The following NR2F1-AS1 variants were observed in gnomAD, a reference collection of about 807,000 sequenced individuals.
NR2F1-AS1 encodes NR2F1 regulatory antisense RNA 1, also known as NR2F1 antisense RNA 1.
In NR2F1-AS1 at chr5:93,441,189, G is replaced by A. The variant is rs1353709752; in HGVS notation, n.639-45647C>T. Among the ~76,000 whole-genome samples, 5 of 152,154 alleles carry A rather than the reference G, an allele frequency of 3.3e-5. No homozygotes were observed. In the East Asian group the frequency reaches 9.6e-4, roughly 29 times the overall value. On this transcript the variant is annotated intron_variant and non_coding_transcript_variant, in intron 4 of 5. Coordinates refer to ENST00000660523, the Ensembl canonical transcript of NR2F1-AS1. The stretch of plus-strand genomic sequence containing the variant: ...GTTTCCAGGCCAGAAGAACGAAGAT[G>A]GTGAAGATAGGATGACAGCTAAACT...
intron 4 of NR2F1-AS1, among the ~76,000 whole-genome samples, chr5:93,546,391 AAAGAG>A (rs1448678290): frequency 3.3e-5 from 5 of 152,218 alleles, no homozygotes; most frequent in Admixed American, 2.0e-4. Context: ...TAAATTATTT[AAAGAG>A]AAGGTTGACT....
rs114722789 is a variant in NR2F1-AS1, at chr5:93,573,778, C to G, written n.313+6689G>C. Among the ~76,000 whole-genome samples, 153 of 152,304 alleles carry G rather than the reference C, an allele frequency of 1.0e-3. 5 individuals are homozygous for G. The South Asian group carries it at 0.03, about 30-fold the overall frequency. On this transcript the variant is annotated intron_variant and non_coding_transcript_variant, in intron 1 of 5. Coordinates refer to ENST00000660523, the Ensembl canonical transcript of NR2F1-AS1. ...AGAGCATCCCGTCCTCGCCTCCTGT[C>G]CAAACCTTCCTCTTCCTGAAAGACA... is the stretch of plus-strand genomic sequence containing the variant.
intron 4 of NR2F1-AS1, among the ~76,000 whole-genome samples, chr5:93,484,411 T>G (rs1392904221): frequency 6.6e-6 from 1 of 152,216 alleles, no homozygotes; most frequent in African/African-American, 2.4e-5. Flanking sequence ...TGAGAGATTT[T>G]GTCACCACCA....
At chr5:93,580,044 G>A (rs1346425773) in intron 1 of NR2F1-AS1, among the ~76,000 whole-genome samples, 1 of 152,234 alleles carries the variant, frequency 6.6e-6, no homozygotes, top group East Asian at 1.9e-4. Flanking sequence ...GGGCCAGCCG[G>A]GCCGGACTCT....
chr5:93,490,423 G>T (rs1164138699), intron 4 of NR2F1-AS1, among the ~76,000 whole-genome samples: 1 of 152,242 alleles, frequency 6.6e-6, no homozygotes, highest in East Asian at 1.9e-4. Flanking sequence ...TGGTGGTGGT[G>T]GTGGTCATGG....
rs572005656 is a variant in NR2F1-AS1 at position 93,458,229 on chromosome 5, A to G, written n.639-62687T>C. On this transcript the variant is annotated intron_variant and non_coding_transcript_variant, in intron 4 of 5. Coordinates refer to ENST00000660523, the Ensembl canonical transcript of NR2F1-AS1. ...GGCCACATTTTTAATTTTTAAAGGA[A>G]TTTTTCAAATTTCAAAATAAATTTT... Among the ~76,000 whole-genome samples the G allele has an allele frequency of 2.7e-3, 413 of 152,258 alleles. 1 individual carries two copies. The highest frequency in any genetic ancestry group is 8.9e-3 in the African/African-American group (371 of 41,534).
At chr5:93,507,141 A>G (rs1431851435) in intron 4 of NR2F1-AS1, among the ~76,000 whole-genome samples, 1 of 152,174 alleles carries the variant, frequency 6.6e-6, no homozygotes, top group Non-Finnish European at 1.5e-5. Context: ...AAAATTCAAC[A>G]TCCATATATT....
intron 4 of NR2F1-AS1, among the ~76,000 whole-genome samples, chr5:93,435,754 C>T (rs1749420368): frequency 6.6e-6 from 1 of 152,206 alleles, no homozygotes; most frequent in South Asian, 2.1e-4. Context: ...TGTAGTAAAA[C>T]TCCTTTGATG....
chr5:93,487,990 G>A (rs1229239635), intron 4 of NR2F1-AS1, among the ~76,000 whole-genome samples: 2 of 152,164 alleles, frequency 1.3e-5, no homozygotes, highest in African/African-American at 4.8e-5. Context: ...AAGCAATGTG[G>A]AAAGGATTCC....
chr5:93,423,184 T>C (rs1749123959), intron 4 of NR2F1-AS1: 1 of 152,222 alleles, frequency 6.6e-6, no homozygotes, highest in Non-Finnish European at 1.5e-5. Flanking sequence ...CTGAGCAGGA[T>C]GCAAGGGGCA....
chr5:93,426,478 T>A (rs1277309807), intron 4 of NR2F1-AS1, among the ~76,000 whole-genome samples: 3 of 152,212 alleles, frequency 2.0e-5, no homozygotes, highest in Non-Finnish European at 4.4e-5. Context: ...TTTGATGTAA[T>A]ACAAACAACA....
At chr5:93,552,550 A>G (rs1752254790) in intron 4 of NR2F1-AS1, among the ~76,000 whole-genome samples, 1 of 152,128 alleles carries the variant, frequency 6.6e-6, no homozygotes, top group Admixed American at 6.6e-5. Context: ...TTGTAGGATA[A>G]GGATCCTCTT....
At chr5:93,566,699 T>TA (rs149819673) in intron 1 of NR2F1-AS1, among the ~76,000 whole-genome samples, 4,297 of 152,040 alleles carry the variant, frequency 0.028, 80 homozygotes, top group Non-Finnish European at 0.039. Context: ...TCAAGAACCT[T>TA]AAAAAACAGT....
At chr5:93,569,746 A>T (rs1293333464) in intron 1 of NR2F1-AS1, 1 of 152,246 alleles carries the variant, frequency 6.6e-6, no homozygotes, top group East Asian at 1.9e-4. Flanking sequence ...AGCAGACCCC[A>T]GTCGGGCTCC....
intron 4 of NR2F1-AS1, among the ~76,000 whole-genome samples, chr5:93,457,078 G>A (rs1749965215): frequency 6.6e-6 from 1 of 152,160 alleles, no homozygotes; most frequent in South Asian, 2.1e-4. Context: ...CCAGGGACGA[G>A]CAGGAGACAG....
At chr5:93,440,744 C>T (rs1169364161) in intron 4 of NR2F1-AS1, among the ~76,000 whole-genome samples, 1 of 152,208 alleles carries the variant, frequency 6.6e-6, no homozygotes, top group Non-Finnish European at 1.5e-5. Context: ...TGCCATGTCA[C>T]TGATGTTTTC....
chr5:93,583,044 T>TC (rs569277592), upstream of NR2F1-AS1, among the ~76,000 whole-genome samples: 330 of 151,988 alleles, frequency 2.2e-3, no homozygotes, highest in Non-Finnish European at 3.4e-3. Context: ...CCATTTTCTC[T>TC]CCCCCCGATT....
At chr5:93,455,917 T>A (rs946732617) in intron 4 of NR2F1-AS1, among the ~76,000 whole-genome samples, 7 of 151,628 alleles carry the variant, frequency 4.6e-5, no homozygotes, top group Non-Finnish European at 8.8e-5. Flanking sequence ...CTATTCATAA[T>A]AAACCCTGAA....
chr5:93,483,195 A>G (rs1056245777), intron 4 of NR2F1-AS1, among the ~76,000 whole-genome samples: 1 of 152,082 alleles, frequency 6.6e-6, no homozygotes. Flanking sequence ...CTCATACAGG[A>G]GCGCTCTGGC....
Sources: allele counts gnomAD v4.1 joint callset (sites outside exome capture counted in the v4.1 genomes callset), GRCh38; gene constraint gnomAD v4.1.1; transcripts MANE v1.5; gene names NCBI Gene and HGNC (gene_info 2026-07-23, HGNC 2026-07-21).